The following FGGY variants were observed in gnomAD, a reference collection of about 807,000 sequenced individuals.
The protein encoded by FGGY is FGGY carbohydrate kinase domain containing.
FGGY carries 72 observed loss-of-function variants against 71.3 expected under a neutral mutation model. That is an observed-to-expected ratio of 1.01 (90% CI 0.84 to 1.23). The LOEUF is 1.23. FGGY is among the 50% of genes most tolerant of loss of function. The pLI, the probability that FGGY is intolerant of heterozygous loss-of-function variation, is 0.00. For missense variants in FGGY, 668 were observed against 682.3 expected (o/e 0.98, Z 0.23); for synonymous variants, 251 against 250.3 (o/e 1.00, Z -0.02).
chr1:59,655,006 C>T (rs1019775063), intron 11 of FGGY, among the ~76,000 whole-genome samples: 10 of 152,288 alleles, frequency 6.6e-5, no homozygotes, highest in African/African-American at 1.7e-4. Context: ...AGGGGCTTCT[C>T]CATACTCCTG....
At chr1:59,762,367 C>T in intron 15 of FGGY, 136 bp from the exon 16 acceptor site, 1 of 632,182 alleles carries the variant, frequency 1.6e-6, no homozygotes, top group Non-Finnish European at 2.8e-6. Flanking sequence ...ATTCATTGCC[C>T]AGGATGCTGT....
At chr1:59,419,456 G>A (rs986164645) in intron 5 of FGGY, among the ~76,000 whole-genome samples, 3 of 152,162 alleles carry the variant, frequency 2.0e-5, no homozygotes. Flanking sequence ...ATTTAAATGA[G>A]TTATGAAGAG....
rs562093913 is a variant in FGGY, at chr1:59,592,309, A to G, written c.904-15494A>G. Among the ~76,000 whole-genome samples the G allele has an allele frequency of 8.1e-4, 124 of 152,196 alleles. No homozygotes were observed. In the East Asian group the frequency reaches 0.019, roughly 23 times the overall value. On this transcript the variant is annotated intron_variant, in intron 8 of 15. Transcript: ENST00000303721. Reference sequence around the variant, plus strand: ...AACAGGTGCTGGAGAGGATGTGGAGAAATAGGAACACTTTTACACTGTTGG... The same window carrying G: ...AACAGGTGCTGGAGAGGATGTGGAGGAATAGGAACACTTTTACACTGTTGG...
chr1:59,366,361 C>G (rs1030311085), intron 4 of FGGY, among the ~76,000 whole-genome samples: 1 of 152,110 alleles, frequency 6.6e-6, no homozygotes. Context: ...GGGTCTTTCT[C>G]GGCAGTGACA....
At chr1:59,630,341 G>C (rs2096897299) in intron 10 of FGGY, among the ~76,000 whole-genome samples, 1 of 152,110 alleles carries the variant, frequency 6.6e-6, no homozygotes, top group South Asian at 2.1e-4. Flanking sequence ...AAGTTTGGTG[G>C]TGGTTGCTAT....
At chr1:59,680,483 C>T (rs1573081703) in intron 14 of FGGY, among the ~76,000 whole-genome samples, 2 of 138,962 alleles carry the variant, frequency 1.4e-5, no homozygotes, top group Admixed American at 1.4e-4. Flanking sequence ...TTTTCGACCC[C>T]TCCAGAAAAA....
At position 59,512,356 on chromosome 1, in the gene FGGY, C is replaced by T; in HGVS notation, c.716C>T (p.Thr239Ile). The T allele has an allele frequency of 6.2e-7, 1 of 1,613,772 alleles. No individual in the cohort carries two copies. The highest frequency in any genetic ancestry group is 8.5e-7 in the Non-Finnish European group (1 of 1,179,768). Residue 239 changes from threonine (T) to isoleucine (I), a missense_variant, in exon 7 of 16, where the codon ACA becomes ATA. Physicochemically the swap from Thr to Ile is moderately conservative, Grantham distance 89. Around this residue, in one of 2 missense-constraint regions of FGGY, gnomAD observed 661 missense variants for 661.6 expected, o/e 1.00. Coordinates refer to ENST00000303721, the MANE Select transcript of FGGY (RefSeq NM_018291.5). ...PPGASLGNGL[T>I]PEAARDLGLL... is the part of the protein sequence containing the mutation. ...GGAGCTTCTCTTGGAAATGGGCTCACACCAGAGGCAGCAAGAGACCTTGGC... is the reference window on the plus strand; with the variant it reads ...GGAGCTTCTCTTGGAAATGGGCTCATACCAGAGGCAGCAAGAGACCTTGGC...
chr1:59,678,213 G>A (rs1006762683), intron 14 of FGGY, among the ~76,000 whole-genome samples: 2 of 152,118 alleles, frequency 1.3e-5, no homozygotes, highest in African/African-American at 4.8e-5. Flanking sequence ...TGAATAAGTG[G>A]GAGGGGACAC....
At chr1:59,570,379 T>G (rs2095963260) in intron 8 of FGGY, among the ~76,000 whole-genome samples, 1 of 152,184 alleles carries the variant, frequency 6.6e-6, no homozygotes, top group Admixed American at 6.5e-5. Context: ...AAAATTAATG[T>G]AAAATGAAGG....
intron 5 of FGGY, among the ~76,000 whole-genome samples, chr1:59,427,438 A>T (rs2066586036): frequency 6.6e-6 from 1 of 152,122 alleles, no homozygotes; most frequent in African/African-American, 2.4e-5. Context: ...CGGAGGTAAG[A>T]GTTGGTTACC....
intron 14 of FGGY, among the ~76,000 whole-genome samples, chr1:59,689,008 C>A (rs1300746719): frequency 6.6e-6 from 1 of 152,140 alleles, no homozygotes; most frequent in Admixed American, 6.5e-5. Flanking sequence ...CCTCGGCCTC[C>A]CAAAGTGCTG....
chr1:59,324,340 G>A (rs1011572919), intron 2 of FGGY, among the ~76,000 whole-genome samples: 63 of 139,924 alleles, frequency 4.5e-4, no homozygotes, highest in African/African-American at 1.7e-3. Flanking sequence ...GCAGTGGCGG[G>A]ATCTCGGCTC....
At position 59,638,256 on chromosome 1, in the gene FGGY, A is replaced by C. The variant is rs1280122472; in HGVS notation, c.1102A>C (p.Ser368Arg). ...CCAGAGTATATATGCATATTTGAAC[A>C]GTCACCTGGATCTGATTAAGAAGGC... ...RCQSIYAYLN[S>R]HLDLIKKAQP... Residue 368 changes from serine to arginine, a missense_variant, in exon 11 of 16, where the codon AGT becomes CGT. Coordinates refer to ENST00000303721, the MANE Select transcript of FGGY (RefSeq NM_018291.5). 1.2e-6 allele frequency: 2 copies of C among 1,614,056 alleles called. No homozygotes were observed. The highest frequency in any genetic ancestry group is 1.3e-5 in the African/African-American group (1 of 74,932).
intron 8 of FGGY, among the ~76,000 whole-genome samples, chr1:59,600,419 G>C (rs571619513): frequency 9.8e-5 from 15 of 152,304 alleles, no homozygotes; most frequent in African/African-American, 3.4e-4. Context: ...CAAGGCCTGA[G>C]TGTGGGATAA....
chr1:59,404,158 T>TA (rs1408894525), intron 5 of FGGY, among the ~76,000 whole-genome samples: 1 of 151,796 alleles, frequency 6.6e-6, no homozygotes, highest in East Asian at 1.9e-4. Context: ...ACTTTCCAGG[T>TA]AAAAAAATAT....
rs531729539 is a variant in FGGY, at chr1:59,643,802, G to A, written c.1221+5427G>A. On this transcript the variant is annotated intron_variant, in intron 11 of 15. Coordinates refer to ENST00000303721, the MANE Select transcript of FGGY (RefSeq NM_018291.5). ...TTTTTAAAATATCAACAGTTCTTAGGTCAGAAGCTGGCACCAAATAATTGC... is the reference window on the plus strand; with the variant it reads ...TTTTTAAAATATCAACAGTTCTTAGATCAGAAGCTGGCACCAAATAATTGC... 3.9e-5 allele frequency among the ~76,000 whole-genome samples: 6 copies of A among 152,282 alleles called. No homozygotes were observed. In the East Asian group the frequency reaches 1.2e-3, roughly 29 times the overall value.
chr1:59,611,809 C>G (rs2096683780), intron 9 of FGGY, among the ~76,000 whole-genome samples: 1 of 152,114 alleles, frequency 6.6e-6, no homozygotes. Context: ...CTTAAAGGAC[C>G]TGATGGAGCT....
intron 6 of FGGY, among the ~76,000 whole-genome samples, chr1:59,457,825 A>G (rs1407225599): frequency 6.6e-6 from 1 of 152,170 alleles, no homozygotes; most frequent in Non-Finnish European, 1.5e-5. Flanking sequence ...AAAAAGCAGA[A>G]ACTAGAACGA....
intron 11 of FGGY, among the ~76,000 whole-genome samples, chr1:59,643,491 A>G (rs2097058508): frequency 6.6e-6 from 1 of 152,218 alleles, no homozygotes; most frequent in South Asian, 2.1e-4. Flanking sequence ...CACTGTTCCC[A>G]GCCAGAAATT....
Sources: gnomAD v4.1 joint callset for allele counts (sites outside exome capture counted in the v4.1 genomes callset) on GRCh38, gnomAD v4.1.1 for gene constraint, gnomAD v4.1.1 regional missense constraint, MANE v1.5 for transcripts, NCBI Gene and HGNC (gene_info 2026-07-23, HGNC 2026-07-21) for gene names.